Variants in TBL1X observed in about 807,000 individuals in gnomAD.
TBL1X encodes the protein F-box-like/WD repeat-containing protein TBL1X.
A neutral mutation model predicts 50.7 loss-of-function variants in TBL1X; 10 were observed. That is an observed-to-expected ratio of 0.20 (90% CI 0.12 to 0.33). The LOEUF (loss-of-function observed/expected upper bound fraction) is 0.33, where lower values mean the gene tolerates loss of function less well. TBL1X is among the 10% of genes least tolerant of loss of function. TBL1X has a pLI of 1.00. For missense variants in TBL1X, 340 were observed against 504.4 expected, an observed-to-expected ratio of 0.67 and a Z score of 3.12; for synonymous variants, 190 against 214.7, an observed-to-expected ratio of 0.88 and a Z score of 1.01.
intron 5 of TBL1X, among the ~76,000 whole-genome samples, chrX:9,677,920 TA>T (rs1409465269): frequency 8.9e-6 from 1 of 111,744 alleles, no homozygotes; most frequent in African/African-American, 3.3e-5. Flanking sequence ...GGGAAACTGT[TA>T]GGGGGCAGAT....
intron 2 of TBL1X, among the ~76,000 whole-genome samples, chrX:9,561,951 G>A (rs1293024745): frequency 1.8e-5 from 2 of 112,068 alleles, no homozygotes; most frequent in Non-Finnish European, 3.8e-5. Context: ...TGAGTACCAG[G>A]ACCATATGAT....
At chrX:9,620,329 C>A (rs2082660353) in intron 2 of TBL1X, among the ~76,000 whole-genome samples, 2 of 112,653 alleles carry the variant, frequency 1.8e-5, no homozygotes, top group African/African-American at 6.4e-5. Context: ...TCATACTTAC[C>A]AAGCTGTATT....
chrX:9,713,682 C>A (rs958794214), intron 16 of TBL1X, among the ~76,000 whole-genome samples: 15 of 111,212 alleles, frequency 1.3e-4, no homozygotes, highest in Non-Finnish European at 2.4e-4. Flanking sequence ...CCCACCTCGG[C>A]CTCCCAAAGT....
At chrX:9,685,959 A>T (rs1022059656) in intron 6 of TBL1X, among the ~76,000 whole-genome samples, 1 of 110,678 alleles carries the variant, frequency 9.0e-6, no homozygotes, top group East Asian at 2.9e-4. Flanking sequence ...TCCTCCCGCG[A>T]TCCTCCCGCC....
At chrX:9,548,001 G>C (rs984102968) in intron 2 of TBL1X, among the ~76,000 whole-genome samples, 1 of 103,336 alleles carries the variant, frequency 9.7e-6, no homozygotes, top group Non-Finnish European at 2.0e-5. Context: ...ACAAAAAAAG[G>C]TTTCAGAAAT....
At chrX:9,600,004 C>T (rs780413095) in intron 2 of TBL1X, among the ~76,000 whole-genome samples, 4 of 111,635 alleles carry the variant, frequency 3.6e-5, no homozygotes, top group Non-Finnish European at 7.5e-5. Flanking sequence ...AGTAGACACA[C>T]TAAACCTGAA....
chrX:9,700,620 G>T (rs963079063), intron 12 of TBL1X, among the ~76,000 whole-genome samples: 1 of 111,809 alleles, frequency 8.9e-6, no homozygotes, highest in Non-Finnish European at 1.9e-5. Flanking sequence ...AAAGAAGCTC[G>T]CTCTTCCAGG....
intron 5 of TBL1X, among the ~76,000 whole-genome samples, chrX:9,673,381 G>T (rs1160421431): frequency 9.0e-6 from 1 of 111,686 alleles, no homozygotes; most frequent in East Asian, 2.8e-4. Flanking sequence ...AGCACTTGCT[G>T]TGTGCCAGGC....
intron 9 of TBL1X, among the ~76,000 whole-genome samples, chrX:9,692,935 A>ATTG (rs2083107931): frequency 8.9e-6 from 1 of 112,663 alleles, no homozygotes; most frequent in African/African-American, 3.2e-5. Flanking sequence ...TGTTCTGTGC[A>ATTG]TTGACACATG....
rs760304993 is a variant in TBL1X, at chrX:9,692,157, G to A, written c.794G>A (p.Ser265Asn). 16 of 1,209,826 alleles carry A rather than the reference G, an allele frequency of 1.3e-5. No homozygotes were observed. Among genetic ancestry groups the A allele is most frequent in the Non-Finnish European group, 1.8e-5 (16 of 895,244 alleles). Residue 265 changes from serine (S) to asparagine (N), a missense_variant, in exon 9 of 18, where the codon AGC becomes AAC. Coordinates refer to ENST00000645353, the MANE Select transcript of TBL1X (RefSeq NM_005647.4). ...AGGATATGGAACCTGAATGAGAATA[G>A]CAACGGGGGCTCCACCCAGCTCGTG... ...TARIWNLNEN[S>N]NGGSTQLVLR...
chrX:9,471,978 G>A (rs757091820), intron 1 of TBL1X, among the ~76,000 whole-genome samples: 2 of 111,174 alleles, frequency 1.8e-5, no homozygotes, highest in Admixed American at 9.6e-5. Context: ...TCTCCTGCCC[G>A]GTAACCTTCC....
At chrX:9,546,216 A>G (rs1052561258) in intron 2 of TBL1X, among the ~76,000 whole-genome samples, 4 of 112,089 alleles carry the variant, frequency 3.6e-5, no homozygotes, top group African/African-American at 1.3e-4. Context: ...TAATTAGTCC[A>G]GCTTTGGCAA....
intron 2 of TBL1X, among the ~76,000 whole-genome samples, chrX:9,554,111 G>A (rs1452069836): frequency 8.9e-6 from 1 of 112,355 alleles, no homozygotes; most frequent in Non-Finnish European, 1.9e-5. Flanking sequence ...AAATTCCTGG[G>A]TTCAAGTGAT....
intron 2 of TBL1X, among the ~76,000 whole-genome samples, chrX:9,558,541 A>AAT (rs1371205310): frequency 3.7e-5 from 4 of 107,015 alleles, no homozygotes; most frequent in African/African-American, 6.8e-5. Context: ...AGGAAAAAAA[A>AAT]ATATATATAT....
At chrX:9,640,886 T>C (rs954349460) in intron 3 of TBL1X, among the ~76,000 whole-genome samples, 2 of 111,751 alleles carry the variant, frequency 1.8e-5, no homozygotes, top group Non-Finnish European at 3.8e-5. Flanking sequence ...CCACCTTGGC[T>C]TCCCAAAGTG....
chrX:9,570,467 A>C (rs969044058), intron 2 of TBL1X, among the ~76,000 whole-genome samples: 3 of 111,221 alleles, frequency 2.7e-5, no homozygotes, highest in Admixed American at 1.9e-4. Flanking sequence ...CATTCATTAG[A>C]ATATTTGGGC....
intron 2 of TBL1X, among the ~76,000 whole-genome samples, chrX:9,617,217 C>T (rs1423808947): frequency 9.1e-6 from 1 of 109,845 alleles, no homozygotes; most frequent in African/African-American, 3.3e-5. Context: ...CAAAGAGATG[C>T]CTTATAAGTC....
chrX:9,556,190 AAAAAAAAAACAAAAC>A lies in TBL1X; in HGVS notation c.-131+54346_-131+54360del, dbSNP rs1343421101. The stretch of plus-strand genomic sequence containing the variant: ...GGTGCCAGTGAGACTGTGTCTAAAC[AAAAAAAAAACAAAAC>A]AAAACAAAAAAAACAGTACAAAGTG... On this transcript the variant is annotated intron_variant, in intron 2 of 17. Coordinates refer to ENST00000645353, the MANE Select transcript of TBL1X (RefSeq NM_005647.4). Among the ~76,000 whole-genome samples the A allele has an allele frequency of 1.2e-3, 121 of 100,227 alleles. 1 individual carries two copies. The highest frequency in any genetic ancestry group is 2.1e-3 in the Non-Finnish European group (108 of 50,425). 87.0% of individuals were successfully genotyped at this position (100,227 alleles called of 115,157 possible). A position where few individuals can be genotyped will look rare whatever the true frequency, so the allele number is the denominator to read the frequency against.
At chrX:9,467,379 C>T (rs1334927424) in intron 1 of TBL1X, among the ~76,000 whole-genome samples, 3 of 112,188 alleles carry the variant, frequency 2.7e-5, no homozygotes, top group South Asian at 7.4e-4. Flanking sequence ...CGGTGCTCTG[C>T]CCCGCAGCAG....
Sources: gnomAD v4.1 joint callset for allele counts (sites outside exome capture counted in the v4.1 genomes callset) on GRCh38, gnomAD v4.1.1 for gene constraint, MANE v1.5 for transcripts, NCBI Gene and HGNC (gene_info 2026-07-23, HGNC 2026-07-21) for gene names.